APOOL: variants seen among roughly 807,000 people sequenced by gnomAD.
The protein encoded by APOOL is MICOS complex subunit MIC27.
Under a neutral mutation model 23.1 loss-of-function variants are expected in APOOL, and 12 were observed. The ratio of observed to expected loss-of-function variants is 0.52; its 90% CI spans 0.33 to 0.84. APOOL has a LOEUF of 0.84. APOOL is among the 40% of genes least tolerant of loss of function. The pLI is 0.02. For missense variants in APOOL, 212 were observed against 199.6 expected, an observed-to-expected ratio of 1.06 and a Z score of -0.37; for synonymous variants, 77 against 69.9, an observed-to-expected ratio of 1.10 and a Z score of -0.51.
chrX:85,049,940 A>G (rs1211885273), intron 2 of APOOL, among the ~76,000 whole-genome samples: 1 of 111,798 alleles, frequency 8.9e-6, no homozygotes, highest in Admixed American at 9.5e-5. Context: ...GTAAGTAAAT[A>G]ACGTTGCCCA....
At chrX:85,075,946 G>A (rs1420389714) in intron 8 of APOOL, among the ~76,000 whole-genome samples, 1 of 111,666 alleles carries the variant, frequency 9.0e-6, no homozygotes, top group Non-Finnish European at 1.9e-5. Context: ...ATTTCTCACA[G>A]TTCTAGAGAC....
chrX:85,066,641 A>C (rs778912700), intron 5 of APOOL, among the ~76,000 whole-genome samples: 147 of 111,183 alleles, frequency 1.3e-3, no homozygotes, highest in African/African-American at 4.5e-3. Context: ...GGAGTTATGT[A>C]CCTGTTAAAG....
chrX:85,015,212 G>T (rs1007050552), intron 1 of APOOL, among the ~76,000 whole-genome samples: 1 of 110,898 alleles, frequency 9.0e-6, no homozygotes, highest in Non-Finnish European at 1.9e-5. Context: ...CTATGGAAAA[G>T]GTTTCATTCA....
intron 5 of APOOL, among the ~76,000 whole-genome samples, chrX:85,064,493 T>C (rs1923374108): frequency 9.1e-6 from 1 of 110,305 alleles, no homozygotes; most frequent in Admixed American, 9.8e-5. Context: ...GTGAGATCTT[T>C]CTAGCTTTTC....
chrX:85,074,087 C>G lies in APOOL; in HGVS notation c.576C>G (p.Leu192=), dbSNP rs1923759770. 5.2e-6 allele frequency: 6 copies of G among 1,164,634 alleles called. No homozygotes were observed. The highest frequency in any genetic ancestry group is 5.7e-6 in the Non-Finnish European group (5 of 872,275). Residue 192 remains leucine, a synonymous_variant, in exon 7 of 9, where the codon CTC becomes CTG. Coordinates refer to ENST00000373173, the MANE Select transcript of APOOL (RefSeq NM_198450.6). ...LWTKSSKEES[L]PKPKEKTKLG... ...CAAAAAGCAGCAAAGAAGAGTCACT[C>G]CCTAAACCTAAAGAAAAAACTAAGG... is the stretch of plus-strand genomic sequence containing the variant.
chrX:85,072,041 G>A (rs962603393), intron 6 of APOOL, among the ~76,000 whole-genome samples: 5 of 111,842 alleles, frequency 4.5e-5, no homozygotes, highest in African/African-American at 9.7e-5. Context: ...TCTGGGAGGC[G>A]GAGCTTGCAG....
At chrX:85,035,902 C>T (rs1021485115) in intron 1 of APOOL, among the ~76,000 whole-genome samples, 1 of 111,921 alleles carries the variant, frequency 8.9e-6, no homozygotes, top group African/African-American at 3.2e-5. Context: ...AGTTTGAAGT[C>T]AGGAAGTGTG....
chrX:85,020,686 G>A (rs1921632861), intron 1 of APOOL, among the ~76,000 whole-genome samples: 2 of 111,413 alleles, frequency 1.8e-5, no homozygotes, highest in African/African-American at 6.5e-5. Flanking sequence ...TTAAGCTCTC[G>A]GCTACCCCCA....
intron 6 of APOOL, among the ~76,000 whole-genome samples, 190 bp from the exon 7 acceptor site, chrX:85,073,808 C>T (rs1193502082): frequency 2.7e-5 from 3 of 111,038 alleles, no homozygotes; most frequent in Non-Finnish European, 5.7e-5. Flanking sequence ...TTTCTTATAA[C>T]CTTTGCATGA....
chrX:85,032,141 A>G (rs1003338091), intron 1 of APOOL, among the ~76,000 whole-genome samples: 3 of 112,474 alleles, frequency 2.7e-5, no homozygotes, highest in Non-Finnish European at 5.6e-5. Flanking sequence ...AAATACTCAT[A>G]AAATACTTTA....
At chrX:85,071,760 A>G (rs960168530) in intron 6 of APOOL, among the ~76,000 whole-genome samples, 2 of 111,967 alleles carry the variant, frequency 1.8e-5, no homozygotes, top group African/African-American at 6.5e-5. Context: ...TTGGAAAACT[A>G]TTTGTAACAT....
intron 1 of APOOL, among the ~76,000 whole-genome samples, chrX:85,025,098 C>T (rs1921795407): frequency 9.0e-6 from 1 of 111,629 alleles, no homozygotes; most frequent in Non-Finnish European, 1.9e-5. Context: ...CACAAAGCCT[C>T]CAATCATGGC....
intron 1 of APOOL, among the ~76,000 whole-genome samples, chrX:85,021,250 G>C (rs1921654572): frequency 9.1e-6 from 1 of 110,379 alleles, no homozygotes; most frequent in Admixed American, 9.6e-5. Flanking sequence ...GACCCAGGCT[G>C]GCCCCAGAAC....
intron 8 of APOOL, chrX:85,080,510 A>G (rs1187061014): frequency 9.0e-6 from 1 of 111,450 alleles, no homozygotes; most frequent in Non-Finnish European, 1.9e-5. Context: ...TTTACTTCCA[A>G]CTCTGTGGTC....
intron 1 of APOOL, among the ~76,000 whole-genome samples, chrX:85,010,040 A>G (rs1180116949): frequency 9.0e-6 from 1 of 111,330 alleles, no homozygotes; most frequent in African/African-American, 3.3e-5. Context: ...TTTTAATCCA[A>G]TCTGTTATTG....
At chrX:85,035,522 G>T (rs2147485821) in intron 1 of APOOL, among the ~76,000 whole-genome samples, 1 of 111,188 alleles carries the variant, frequency 9.0e-6, no homozygotes, top group East Asian at 2.8e-4. Context: ...GGAAACCTTT[G>T]CCAGGGCTGA....
intron 7 of APOOL, 60 bp from the exon 8 acceptor site, chrX:85,074,214 G>A: frequency 8.4e-7 from 1 of 1,188,266 alleles, no homozygotes; most frequent in Non-Finnish European, 1.1e-6. Flanking sequence ...AAATGAGAAA[G>A]TAGATGAAGG....
intron 5 of APOOL, among the ~76,000 whole-genome samples, chrX:85,063,167 T>A (rs1923301899): frequency 9.0e-6 from 1 of 111,346 alleles, no homozygotes; most frequent in Admixed American, 9.6e-5. Flanking sequence ...TGCTTGCCTG[T>A]TGTTGGTGTA....
intron 1 of APOOL, among the ~76,000 whole-genome samples, chrX:85,030,621 T>C (rs1268951966): frequency 8.9e-6 from 1 of 112,030 alleles, no homozygotes; most frequent in East Asian, 2.8e-4. Context: ...TGGATGGGAC[T>C]GGCAGCCATT....
Sources: gnomAD v4.1 joint callset for allele counts (sites outside exome capture counted in the v4.1 genomes callset) on GRCh38, gnomAD v4.1.1 for gene constraint, MANE v1.5 for transcripts, NCBI Gene and HGNC (gene_info 2026-07-23, HGNC 2026-07-21) for gene names.